UNC13B: variants seen among roughly 807,000 people sequenced by gnomAD.
The protein encoded by UNC13B is unc-13 homolog B.
UNC13B carries 144 observed loss-of-function variants against 211.0 expected under a neutral mutation model. The ratio of observed to expected loss-of-function variants is 0.68; its 90% CI spans 0.60 to 0.78. The LOEUF (loss-of-function observed/expected upper bound fraction) is 0.78, where lower values mean the gene tolerates loss of function less well. Ranked by LOEUF, UNC13B falls within the 30% of genes least tolerant of loss-of-function variation. The pLI, the probability that UNC13B is intolerant of heterozygous loss-of-function variation, is 0.00. For synonymous variants in UNC13B, 709 were observed against 725.8 expected (o/e 0.98, Z 0.37); for missense variants, 1,777 against 2,002.0 (o/e 0.89, Z 2.14).
chr9:35,227,286 A>G (rs1824902631), intron 1 of UNC13B, among the ~76,000 whole-genome samples: 1 of 152,224 alleles, frequency 6.6e-6, no homozygotes, highest in African/African-American at 2.4e-5. Flanking sequence ...AATGCAGGAT[A>G]AGGAGAATGG....
At chr9:35,339,456 G>A (rs770729744) in intron 11 of UNC13B, among the ~76,000 whole-genome samples, 9 of 152,212 alleles carry the variant, frequency 5.9e-5, no homozygotes, top group Non-Finnish European at 1.2e-4. Flanking sequence ...GAGTCCTGAT[G>A]TCCTTTGGCC....
intron 1 of UNC13B, among the ~76,000 whole-genome samples, chr9:35,183,267 C>T (rs1476231642): frequency 1.4e-5 from 2 of 139,096 alleles, no homozygotes. Flanking sequence ...AGGAGCCCCT[C>T]ACCTCCCAGG....
chr9:35,181,149 A>G lies in UNC13B; in HGVS notation c.22+18844A>G, dbSNP rs574421151. ...AAACAATGGCATTTCTTTCCATATT[A>G]GTGTCCTGAGTTTTTCTCTTTTATT... On this transcript the variant is annotated intron_variant, in intron 1 of 39. Coordinates refer to ENST00000635942, the MANE Select transcript of UNC13B (RefSeq NM_001371189.2). Among the ~76,000 whole-genome samples, 198 of 152,264 alleles carry G rather than the reference A, an allele frequency of 1.3e-3. 2 individuals carry two copies. The highest frequency in any genetic ancestry group is 2.0e-3 in the Admixed American group (31 of 15,286).
chr9:35,348,418 C>T (rs1305588919), intron 11 of UNC13B, among the ~76,000 whole-genome samples: 2 of 152,210 alleles, frequency 1.3e-5, no homozygotes, highest in Non-Finnish European at 1.5e-5. Flanking sequence ...ATTTACTCCT[C>T]CTTCTCCTTA....
At position 35,403,807 on chromosome 9, in the gene UNC13B, A is replaced by C; in HGVS notation, c.12797A>C (p.Tyr4266Ser). The C allele has an allele frequency of 1.9e-6, 3 of 1,614,138 alleles. No homozygotes were observed. Among genetic ancestry groups the C allele is most frequent in the Non-Finnish European group, 2.5e-6 (3 of 1,180,030 alleles). Reference sequence around the variant, plus strand: ...GAGTTGCAGATATGCGTGAAGGATTACTGCTTTGCCCGGGAAGATCGCGTG... The same window carrying C: ...GAGTTGCAGATATGCGTGAAGGATTCCTGCTTTGCCCGGGAAGATCGCGTG... ...SYELQICVKD[Y>S]CFAREDRVLG... The change falls in exon 40 of 40, where the codon TAC becomes TCC. Residue 4266 changes from tyrosine (Y) to serine (S), a missense_variant. By Grantham distance (144) the Tyr-to-Ser change is moderately radical. Coordinates refer to ENST00000635942, the MANE Select transcript of UNC13B (RefSeq NM_001371189.2).
intron 11 of UNC13B, among the ~76,000 whole-genome samples, chr9:35,318,942 C>A (rs537417055): frequency 6.6e-6 from 1 of 152,036 alleles, no homozygotes; most frequent in African/African-American, 2.4e-5. Flanking sequence ...GCAACCAACA[C>A]CTGGAACACT....
At chr9:35,239,375 A>G (rs539333413) in intron 5 of UNC13B, among the ~76,000 whole-genome samples, 1 of 152,242 alleles carries the variant, frequency 6.6e-6, no homozygotes, top group African/African-American at 2.4e-5. Flanking sequence ...GCAAGTTTTT[A>G]TTGGTGATTC....
intron 11 of UNC13B, among the ~76,000 whole-genome samples, chr9:35,323,489 A>AT (rs1353482718): frequency 6.6e-6 from 1 of 152,152 alleles, no homozygotes; most frequent in African/African-American, 2.4e-5. Flanking sequence ...ACTTCATGGT[A>AT]AGCCCTACCC....
At chr9:35,383,323 AC>A (rs1834981125) in intron 21 of UNC13B, among the ~76,000 whole-genome samples, 2 of 152,334 alleles carry the variant, frequency 1.3e-5, no homozygotes, top group South Asian at 4.1e-4. Context: ...TCAGAATGTC[AC>A]CTGACATTAA....
At chr9:35,216,626 G>A (rs1824261523) in intron 1 of UNC13B, among the ~76,000 whole-genome samples, 1 of 152,112 alleles carries the variant, frequency 6.6e-6, no homozygotes, top group Non-Finnish European at 1.5e-5. Context: ...GAAAGACCAT[G>A]GCTCCTCCCC....
intron 11 of UNC13B, chr9:35,352,577 A>G: frequency 1.6e-6 from 2 of 1,232,210 alleles, no homozygotes; most frequent in Non-Finnish European, 2.0e-6. Context: ...CAGGGGACCC[A>G]TAACAGGAAC....
At chr9:35,177,344 A>C (rs1821693540) in intron 1 of UNC13B, among the ~76,000 whole-genome samples, 1 of 152,184 alleles carries the variant, frequency 6.6e-6, no homozygotes, top group African/African-American at 2.4e-5. Flanking sequence ...GTGGAAAGTT[A>C]GCGGGAATAA....
At chr9:35,322,725 T>G (rs1442736048) in intron 11 of UNC13B, among the ~76,000 whole-genome samples, 1 of 152,146 alleles carries the variant, frequency 6.6e-6, no homozygotes, top group Non-Finnish European at 1.5e-5. Context: ...ATAATGAGGC[T>G]TAAGGAGAGG....
chr9:35,362,350 C>A (rs773456911), intron 11 of UNC13B, among the ~76,000 whole-genome samples: 1 of 152,166 alleles, frequency 6.6e-6, no homozygotes, highest in Non-Finnish European at 1.5e-5. Context: ...TGAATTTGAA[C>A]TAAGCATGCG....
chr9:35,390,511 C>A, intron 25 of UNC13B, 118 bp from the exon 26 acceptor site: 1 of 1,148,382 alleles, frequency 8.7e-7, no homozygotes, highest in Non-Finnish European at 1.3e-6. Context: ...TAGCCCTGTT[C>A]CCTAAGCATC....
chr9:35,273,451 T>C lies in UNC13B; in HGVS notation c.526+14401T>C, dbSNP rs140649024. 1.4e-4 allele frequency among the ~76,000 whole-genome samples: 22 copies of C among 152,340 alleles called. No individual in the cohort carries two copies. In the East Asian group the frequency reaches 3.9e-3, roughly 27 times the overall value. On this transcript the variant is annotated intron_variant, in intron 7 of 39. Coordinates refer to ENST00000635942, the MANE Select transcript of UNC13B (RefSeq NM_001371189.2). The stretch of plus-strand genomic sequence containing the variant: ...GGTTTTCAATGCTTTCCACTAGTTT[T>C]CAGCCATTAGACCTGATATTCATAT...
At chr9:35,338,204 A>G (rs771958660) in intron 11 of UNC13B, among the ~76,000 whole-genome samples, 15 of 152,154 alleles carry the variant, frequency 9.9e-5, no homozygotes, top group Non-Finnish European at 1.6e-4. Context: ...CAGCCTTTGG[A>G]GGTACAGGCT....
At chr9:35,189,966 C>T (rs922357223) in intron 1 of UNC13B, among the ~76,000 whole-genome samples, 6 of 152,260 alleles carry the variant, frequency 3.9e-5, no homozygotes, top group East Asian at 3.9e-4. Context: ...CCACCATGCC[C>T]GACCTGCCAG....
intron 11 of UNC13B, chr9:35,342,410 G>T: frequency 8.3e-6 from 8 of 958,100 alleles, no homozygotes; most frequent in Non-Finnish European, 9.9e-6. Flanking sequence ...GCATTTGTGG[G>T]TGGAATATGG....
Sources: gnomAD v4.1 joint callset for allele counts (sites outside exome capture counted in the v4.1 genomes callset) on GRCh38, gnomAD v4.1.1 for gene constraint, MANE v1.5 for transcripts, NCBI Gene and HGNC (gene_info 2026-07-23, HGNC 2026-07-21) for gene names.